Variants in SHTN1 observed in about 807,000 individuals in gnomAD.
The protein encoded by SHTN1 is shootin 1.
Under a neutral mutation model 83.1 loss-of-function variants are expected in SHTN1, and 42 were observed. The ratio of observed to expected loss-of-function variants is 0.51; its 90% CI spans 0.39 to 0.65. The LOEUF (loss-of-function observed/expected upper bound fraction) is 0.65, where lower values mean the gene tolerates loss of function less well. SHTN1 is among the 30% of genes least tolerant of loss of function. The pLI is 0.00. For missense variants in SHTN1, 622 were observed against 737.8 expected (o/e 0.84, Z 1.82); for synonymous variants, 224 against 247.7 (o/e 0.90, Z 0.90).
At position 116,911,461 on chromosome 10, in the gene SHTN1, T is replaced by C. The variant is rs866840883; in HGVS notation, c.1359+329A>G. The C allele has an allele frequency of 2.6e-5, 41 of 1,547,778 alleles. 1 individual carries two copies. In the Middle Eastern group the frequency reaches 2.0e-3, roughly 75 times the overall value. On this transcript the variant is annotated intron_variant, in intron 14 of 16. Transcript: ENST00000355371. ...GCATTATTCATCTATTATATTTCTGTTTTTCATCAACATGTACGGACCCTT... is the reference window on the plus strand; with the variant it reads ...GCATTATTCATCTATTATATTTCTGCTTTTCATCAACATGTACGGACCCTT...
Position 116,948,982 on chromosome 10 carries a change from G to T in SHTN1, c.550C>A (p.Gln184Lys), listed in dbSNP as rs1252820808. 1 of 1,558,014 alleles carries T rather than the reference G, an allele frequency of 6.4e-7. No individual in the cohort carries two copies. Among genetic ancestry groups the T allele is most frequent in the African/African-American group, 1.4e-5 (1 of 72,990 alleles). The change falls in exon 7 of 17, where the codon CAA becomes AAA. Residue 184 changes from glutamine (Q) to lysine (K), a missense_variant. Around this residue, in one of 3 missense-constraint regions of SHTN1, gnomAD observed 383 missense variants for 455.8 expected, o/e 0.84. Coordinates refer to ENST00000355371, the MANE Select transcript of SHTN1 (RefSeq NM_001127211.3). ...TCTGAATTTAAAACAGTCTTTTCTT[G>T]TTTAACTTTATTTACCTAAAAATGT... Reference protein sequence around the residue: ...EVIEEVNKVKQEKTVLNSEVL... With the variant: ...EVIEEVNKVKKEKTVLNSEVL...
intron 1 of SHTN1, among the ~76,000 whole-genome samples, chr10:116,987,030 T>G (rs1851244827): frequency 6.6e-6 from 1 of 151,854 alleles, no homozygotes; most frequent in Non-Finnish European, 1.5e-5. Context: ...CCCGGCCTAT[T>G]TTTTTAAAAG....
intron 10 of SHTN1, among the ~76,000 whole-genome samples, 184 bp downstream of exon 10, chr10:116,929,665 T>C (rs902099074): frequency 1.3e-5 from 2 of 152,180 alleles, no homozygotes; most frequent in African/African-American, 4.8e-5. Flanking sequence ...TTTTGAATTA[T>C]TTAATACAGC....
chr10:116,964,711 G>A (rs971299808), intron 3 of SHTN1, among the ~76,000 whole-genome samples: 5 of 152,184 alleles, frequency 3.3e-5, no homozygotes, highest in South Asian at 2.1e-4. Context: ...GGCTGGGCGC[G>A]GTGGCTCATG....
At chr10:116,917,808 AT>A (rs1848430206) in intron 12 of SHTN1, among the ~76,000 whole-genome samples, 1 of 152,216 alleles carries the variant, frequency 6.6e-6, no homozygotes, top group African/African-American at 2.4e-5. Context: ...TTGTGTACAG[AT>A]TATAAACCAG....
intron 1 of SHTN1, among the ~76,000 whole-genome samples, chr10:117,069,511 C>CT (rs776031069): frequency 9.9e-5 from 15 of 152,182 alleles, no homozygotes; most frequent in Non-Finnish European, 2.2e-4. Flanking sequence ...GGCGGCCTCC[C>CT]TTACTTACTA....
chr10:116,925,581 T>A lies in SHTN1; in HGVS notation c.1112+2211A>T, dbSNP rs555702864. Among the ~76,000 whole-genome samples, 261 of 152,286 alleles carry A rather than the reference T, an allele frequency of 1.7e-3. 2 individuals are homozygous for A. The highest frequency in any genetic ancestry group is 3.1e-4 in the Non-Finnish European group (21 of 68,022). On this transcript the variant is annotated intron_variant, in intron 11 of 16. Transcript: ENST00000355371. ...AATCACATGAGCCAACTCCTTATAA[T>A]AAATCTGTATTTATATCTGCCTATA... is the stretch of plus-strand genomic sequence containing the variant.
chr10:117,089,139 G>C (rs1276170138), intron 1 of SHTN1, among the ~76,000 whole-genome samples: 1 of 152,150 alleles, frequency 6.6e-6, no homozygotes, highest in Non-Finnish European at 1.5e-5. Context: ...AGAAAAAACA[G>C]ATCAGTGGCT....
At chr10:117,078,296 T>C (rs1853192616) in intron 1 of SHTN1, among the ~76,000 whole-genome samples, 2 of 152,176 alleles carry the variant, frequency 1.3e-5, no homozygotes, top group Non-Finnish European at 2.9e-5. Flanking sequence ...TCTACAAGGA[T>C]GGTGGCTCCT....
intron 1 of SHTN1, among the ~76,000 whole-genome samples, chr10:117,001,203 C>T (rs766409302): frequency 8.6e-5 from 13 of 151,918 alleles, no homozygotes; most frequent in Non-Finnish European, 1.9e-4. Context: ...ACCTCATTAC[C>T]TCAACATCTG....
chr10:116,980,663 C>T (rs2083023), intron 1 of SHTN1, among the ~76,000 whole-genome samples: 1 of 152,104 alleles, frequency 6.6e-6, no homozygotes, highest in Non-Finnish European at 1.5e-5. Flanking sequence ...ACCAGTGGTT[C>T]CAAGAACATC....
chr10:116,888,763 G>C (rs769340039), intron 16 of SHTN1, among the ~76,000 whole-genome samples: 3 of 152,086 alleles, frequency 2.0e-5, no homozygotes, highest in Non-Finnish European at 4.4e-5. Context: ...CTATAACAGA[G>C]CCTGCCCTAC....
At chr10:116,968,062 GT>G (rs1850463604) in intron 3 of SHTN1, among the ~76,000 whole-genome samples, 1 of 152,080 alleles carries the variant, frequency 6.6e-6, no homozygotes, top group South Asian at 2.1e-4. Context: ...TGCGCTTGTA[GT>G]TCCAGCTACT....
chr10:117,104,899 C>T (rs945810743), intron 1 of SHTN1, among the ~76,000 whole-genome samples: 1 of 151,826 alleles, frequency 6.6e-6, no homozygotes. Context: ...GTGGGAATTA[C>T]TGGAGTTGGA....
intron 11 of SHTN1, 100 bp downstream of exon 11, chr10:116,927,692 A>G (rs1848796621): frequency 1.4e-6 from 2 of 1,385,288 alleles, no homozygotes; most frequent in Non-Finnish European, 1.9e-6. Flanking sequence ...CAAGAGAAGC[A>G]TCAGCTAGTA....
rs376524598 is a variant in SHTN1, at chr10:117,121,560, T to C, written c.-189+4747A>G. On this transcript the variant is annotated intron_variant, in intron 1 of 17. Coordinates refer to the SHTN1 transcript ENST00000392901. ...TGCCACTATACTCCAGCCTGGCCGATAGAGTGAGACTCTGACTCAAAAAAA... is the reference window on the plus strand; with the variant it reads ...TGCCACTATACTCCAGCCTGGCCGACAGAGTGAGACTCTGACTCAAAAAAA... Among the ~76,000 whole-genome samples, 237 of 150,798 alleles carry C rather than the reference T, an allele frequency of 1.6e-3. 1 individual carries two copies. The highest frequency in any genetic ancestry group is 5.4e-3 in the African/African-American group (221 of 41,006).
At chr10:117,024,051 A>G (rs950172347) in intron 2 of SHTN1, among the ~76,000 whole-genome samples, 11 of 128,642 alleles carry the variant, frequency 8.6e-5, no homozygotes, top group African/African-American at 2.8e-4. Flanking sequence ...TATTAGACCA[A>G]AAATCATCCG....
At chr10:117,053,271 G>C (rs975238335) in intron 1 of SHTN1, among the ~76,000 whole-genome samples, 2 of 151,696 alleles carry the variant, frequency 1.3e-5, no homozygotes, top group Admixed American at 1.3e-4. Context: ...ACTTGACTTG[G>C]TCAAAATTAA....
upstream of SHTN1, among the ~76,000 whole-genome samples, chr10:117,007,566 A>C (rs1176958883): frequency 6.9e-6 from 1 of 144,630 alleles, no homozygotes; most frequent in African/African-American, 2.5e-5. Flanking sequence ...AAAAAAAAAA[A>C]AAAAAAAAAA....
Sources: allele counts gnomAD v4.1 joint callset (sites outside exome capture counted in the v4.1 genomes callset), GRCh38; gene constraint gnomAD v4.1.1; regional missense constraint gnomAD v4.1.1; transcripts MANE v1.5; gene names NCBI Gene and HGNC (gene_info 2026-07-23, HGNC 2026-07-21).